The following ATL2 variants were observed in gnomAD, a reference collection of about 807,000 sequenced individuals.
ATL2 encodes the protein atlastin GTPase 2.
A neutral mutation model predicts 73.9 loss-of-function variants in ATL2; 31 were observed. That is an observed-to-expected ratio of 0.42 (90% CI 0.32 to 0.57). ATL2 has a LOEUF of 0.57. Among genes scored for constraint, ATL2 ranks in the 20% least tolerant of loss-of-function variants. The pLI, the probability that ATL2 is intolerant of heterozygous loss-of-function variation, is 0.14. For missense variants in ATL2, 738 were observed against 702.6 expected, an observed-to-expected ratio of 1.05 and a Z score of -0.57; for synonymous variants, 291 against 237.5, an observed-to-expected ratio of 1.23 and a Z score of -2.07.
intron 2 of ATL2, among the ~76,000 whole-genome samples, chr2:38,342,105 T>A (rs1669754862): frequency 6.6e-6 from 1 of 151,822 alleles, no homozygotes; most frequent in African/African-American, 2.4e-5. Context: ...CCAACTCGAG[T>A]GAAAAAATTT....
In ATL2 at chr2:38,295,530, G is replaced by A. The variant is rs1285699672; in HGVS notation, c.*464C>T. The A allele has an allele frequency of 6.5e-6, 1 of 152,702 alleles. No homozygotes were observed. Among genetic ancestry groups the A allele is most frequent in the Non-Finnish European group, 1.5e-5 (1 of 68,460 alleles). The allele number at this position is 152,702 out of a possible 1,614,324, so 9.5% of individuals were successfully genotyped here. ...TAATACTGGTATTGAAGGCAGTAAA[G>A]CAATATATACTTTTAATGTAGTGGC... On this transcript the variant is annotated 3_prime_UTR_variant, in exon 13 of 13. Coordinates refer to ENST00000378954, the MANE Select transcript of ATL2 (RefSeq NM_001135673.4).
chr2:38,342,472 A>G (rs1035287197), intron 2 of ATL2, among the ~76,000 whole-genome samples: 2 of 152,234 alleles, frequency 1.3e-5, no homozygotes, highest in Non-Finnish European at 2.9e-5. Context: ...AAAACATGGC[A>G]TACTCAAGGA....
chr2:38,373,716 G>C (rs1025313582), intron 1 of ATL2, among the ~76,000 whole-genome samples: 2 of 152,128 alleles, frequency 1.3e-5, no homozygotes, highest in South Asian at 4.1e-4. Context: ...CCATAACTTG[G>C]AAAATCATCT....
intron 2 of ATL2, among the ~76,000 whole-genome samples, chr2:38,338,239 AAGT>A (rs1249657643): frequency 1.3e-5 from 2 of 152,184 alleles, no homozygotes; most frequent in Admixed American, 1.3e-4. Flanking sequence ...TTTTACTTAA[AAGT>A]AGAAGCTAAA....
chr2:38,370,480 A>C (rs1573601212), intron 1 of ATL2, among the ~76,000 whole-genome samples: 1 of 125,986 alleles, frequency 7.9e-6, no homozygotes, highest in East Asian at 2.1e-4. Context: ...AAAAAAAAAA[A>C]AATCAACCCA....
chr2:38,359,238 G>A (rs946052431), intron 1 of ATL2, among the ~76,000 whole-genome samples: 4 of 152,288 alleles, frequency 2.6e-5, no homozygotes, highest in Non-Finnish European at 5.9e-5. Context: ...GGGAGGCCGA[G>A]GTGGGTGGAT....
At chr2:38,351,955 T>C (rs980106668) in intron 1 of ATL2, among the ~76,000 whole-genome samples, 2 of 151,060 alleles carry the variant, frequency 1.3e-5, no homozygotes, top group Non-Finnish European at 3.0e-5. Context: ...CTACTAAAAA[T>C]ACAAAAATTA....
intron 2 of ATL2, among the ~76,000 whole-genome samples, chr2:38,328,913 T>C (rs1023055029): frequency 2.3e-5 from 3 of 128,518 alleles, no homozygotes; most frequent in East Asian, 2.0e-4. Context: ...AAGATCAATA[T>C]AATTAACTGA....
chr2:38,354,298 T>C, intron 1 of ATL2: 1 of 268,940 alleles, frequency 3.7e-6, no homozygotes, highest in South Asian at 3.0e-5. Flanking sequence ...TATTCCTTCC[T>C]ATTGATCTGA....
intron 2 of ATL2, among the ~76,000 whole-genome samples, chr2:38,336,800 G>C (rs1669381848): frequency 6.6e-6 from 1 of 152,170 alleles, no homozygotes; most frequent in South Asian, 2.1e-4. Context: ...GATAATGCCT[G>C]CTAAATGCTT....
At chr2:38,325,705 C>A (rs1467626856) in intron 2 of ATL2, among the ~76,000 whole-genome samples, 1 of 74,608 alleles carries the variant, frequency 1.3e-5, no homozygotes, top group Non-Finnish European at 2.4e-5. Context: ...CCAGTACACA[C>A]ACACACACAC....
rs759453659 is a variant in ATL2, at chr2:38,325,623, T to TACAC, written c.364-6605_364-6604insGTGT. Among the ~76,000 whole-genome samples, 237 of 93,250 alleles carry TACAC rather than the reference T, an allele frequency of 2.5e-3. 5 individuals carry two copies. Among genetic ancestry groups the TACAC allele is most frequent in the African/African-American group, 0.011 (223 of 19,446 alleles). The allele number at this position is 93,250 out of a possible 152,430, so 61.2% of individuals were successfully genotyped here. ...TAACCACTATCTACACACACACCAG[T>TACAC]ACATACACACACACACACACACACA... On this transcript the variant is annotated intron_variant, in intron 2 of 12. Coordinates refer to ENST00000378954, the MANE Select transcript of ATL2 (RefSeq NM_001135673.4).
In ATL2 at chr2:38,310,394, A is replaced by G. The variant is rs1463651958; in HGVS notation, c.858T>C (p.Asn286=). ...ELQNVRKHIH[N]CFSNLGCFLL... ...GGAAGCAACCAAGATTTGAGAAACA[A>G]TTGTGTATGTGCTTCCTTACATTCT... is the stretch of plus-strand genomic sequence containing the variant. Residue 286 remains asparagine, a synonymous_variant, in exon 8 of 13, where the codon AAT becomes AAC. Coordinates refer to ENST00000378954, the MANE Select transcript of ATL2 (RefSeq NM_001135673.4). The G allele has an allele frequency of 3.1e-6, 5 of 1,612,802 alleles. No individual in the cohort carries two copies. In the African/African-American group the frequency reaches 4.0e-5, roughly 13 times the overall value.
At chr2:38,325,699 T>TCACACAC (rs1668597326) in intron 2 of ATL2, among the ~76,000 whole-genome samples, 1 of 11,316 alleles carries the variant, frequency 8.8e-5, no homozygotes. Flanking sequence ...CACACACCAG[T>TCACACAC]ACACACACAC....
At chr2:38,329,423 C>CAAAAAAAAAAAAAAAA (rs70954711) in intron 2 of ATL2, among the ~76,000 whole-genome samples, 27 of 13,674 alleles carry the variant, frequency 2.0e-3, no homozygotes, top group Non-Finnish European at 3.3e-3. Context: ...ACTCCATCTC[C>CAAAAAAAAAAAAAAAA]AAAAAAAAAA....
chr2:38,360,857 G>C (rs1326771394), intron 1 of ATL2, among the ~76,000 whole-genome samples: 3 of 151,704 alleles, frequency 2.0e-5, no homozygotes, highest in African/African-American at 7.3e-5. Context: ...TTATATCCTA[G>C]AGAAATTCCT....
chr2:38,366,475 C>A (rs1671336976), intron 1 of ATL2, among the ~76,000 whole-genome samples: 2 of 152,106 alleles, frequency 1.3e-5, no homozygotes, highest in South Asian at 4.1e-4. Flanking sequence ...AAATCAGGGT[C>A]AAATGTTTAA....
chr2:38,297,566 C>A (rs970741674), intron 12 of ATL2, among the ~76,000 whole-genome samples: 2 of 152,176 alleles, frequency 1.3e-5, no homozygotes, highest in Non-Finnish European at 2.9e-5. Context: ...TACGACGGAG[C>A]ATGGTTCTCT....
chr2:38,327,974 A>G (rs936548822), intron 2 of ATL2, among the ~76,000 whole-genome samples: 1 of 152,178 alleles, frequency 6.6e-6, no homozygotes, highest in African/African-American at 2.4e-5. Flanking sequence ...TAAAAAATAG[A>G]GCCAACTATA....
Sources: gnomAD v4.1 joint callset for allele counts (sites outside exome capture counted in the v4.1 genomes callset) on GRCh38, gnomAD v4.1.1 for gene constraint, MANE v1.5 for transcripts, NCBI Gene and HGNC (gene_info 2026-07-23, HGNC 2026-07-21) for gene names.